Variants in C17orf107 observed in about 807,000 individuals in gnomAD.
C17orf107 encodes the protein chromosome 17 open reading frame 107.
In C17orf107, 9 loss-of-function variants were observed where a neutral mutation model predicts 8.9. That is an observed-to-expected ratio of 1.02 (90% CI 0.61 to 1.77). The LOEUF is 1.77. Among genes scored for constraint, C17orf107 ranks in the 40% most tolerant of loss-of-function variants. The pLI, the probability that C17orf107 is intolerant of heterozygous loss-of-function variation, is 0.00. For synonymous variants in C17orf107, 139 were observed against 120.3 expected (o/e 1.16, Z -1.02); for missense variants, 281 against 249.0 (o/e 1.13, Z -0.86).
chr17:4,900,217 C>A lies in C17orf107; in HGVS notation c.277-20C>A, dbSNP rs764886473. 4.5e-6 allele frequency: 7 copies of A among 1,545,286 alleles called. No individual in the cohort carries two copies. The highest frequency in any genetic ancestry group is 1.2e-5 in the South Asian group (1 of 83,604). On this transcript the variant is annotated intron_variant, in intron 2 of 2. Coordinates refer to ENST00000381365, the MANE Select transcript of C17orf107 (RefSeq NM_001145536.2). The stretch of plus-strand genomic sequence containing the variant: ...ACAAGGACCTCTGCCTCCCCGCTAA[C>A]CCCTGTGCCCCCAATGCAGATCTCA...
downstream of C17orf107, chr17:4,903,147 G>T (rs1207306619): frequency 4.3e-6 from 6 of 1,402,570 alleles, no homozygotes; most frequent in East Asian, 1.4e-4. Context: ...GGGGGAGGAG[G>T]GTGTTAGTTC....
downstream of C17orf107, among the ~76,000 whole-genome samples, chr17:4,903,619 G>C (rs1970047941): frequency 6.6e-6 from 1 of 152,128 alleles, no homozygotes; most frequent in African/African-American, 2.4e-5. Flanking sequence ...CTGCGGTACA[G>C]AGATTCCATC....
chr17:4,905,088 C>G (rs1428063467), downstream of C17orf107, among the ~76,000 whole-genome samples: 1 of 152,218 alleles, frequency 6.6e-6, no homozygotes, highest in East Asian at 1.9e-4. Flanking sequence ...AAAGTTCCCC[C>G]TTACAGGGCC....
chr17:4,900,555 G>T lies in C17orf107; in HGVS notation c.*22G>T. ...TTAGGGGCCAGAGGCGGCGGGGCTA[G>T]GGAGGCACTGAGCCGGACTGTCCCC... On this transcript the variant is annotated 3_prime_UTR_variant, in exon 3 of 3. Transcript: ENST00000381365. 5 of 1,550,348 alleles carry T rather than the reference G, an allele frequency of 3.2e-6. No individual in the cohort carries two copies. Among genetic ancestry groups the T allele is most frequent in the Non-Finnish European group, 2.6e-6 (3 of 1,146,908 alleles).
In C17orf107 at chr17:4,901,183, G is replaced by A; in HGVS notation, c.*650G>A. ...CCGGGCAGAAGTCGATGGCCCACTCGCCGTTCTCTGCGGGACGGGGGCACG... is the reference window on the plus strand; with the variant it reads ...CCGGGCAGAAGTCGATGGCCCACTCACCGTTCTCTGCGGGACGGGGGCACG... On this transcript the variant is annotated 3_prime_UTR_variant, in exon 3 of 3. Coordinates refer to ENST00000381365, the MANE Select transcript of C17orf107 (RefSeq NM_001145536.2). The A allele has an allele frequency of 6.2e-7, 1 of 1,604,128 alleles. No individual in the cohort carries two copies. The highest frequency in any genetic ancestry group is 8.5e-7 in the Non-Finnish European group (1 of 1,178,960).
downstream of C17orf107, among the ~76,000 whole-genome samples, chr17:4,905,077 C>A (rs1567641235): frequency 6.6e-6 from 1 of 152,224 alleles, no homozygotes. Context: ...TGGACACCTA[C>A]AAAGTTCCCC....
In C17orf107 at chr17:4,902,332, G is replaced by T. The variant is rs564351576; in HGVS notation, c.*1799G>T. ...AGTCGGTAATCCTGCCAATCCTAAG[G>T]GGTGGGGGATGGAAGGCCGCGTGCC... On this transcript the variant is annotated 3_prime_UTR_variant, in exon 3 of 3. Transcript: ENST00000381365. This position sits in a 1 kb window ranked among gnomAD's most constrained non-coding sequence, Gnocchi z 4.0. The T allele has an allele frequency of 6.2e-7, 1 of 1,614,098 alleles. No homozygotes were observed. The highest frequency in any genetic ancestry group is 2.2e-5 in the East Asian group (1 of 44,870).
chr17:4,899,629 C>T lies in C17orf107; in HGVS notation c.-134C>T, dbSNP rs1221070483. On this transcript the variant is annotated 5_prime_UTR_variant, in exon 1 of 3. Transcript: ENST00000381365. ...ACATCACCGTTCCTCCTCCCAGCTACCGAAGGCGCCGCGCGCTGACCTCAC... is the reference window on the plus strand; with the variant it reads ...ACATCACCGTTCCTCCTCCCAGCTATCGAAGGCGCCGCGCGCTGACCTCAC... 4.0e-6 allele frequency: 6 copies of T among 1,485,482 alleles called. No individual in the cohort carries two copies. Among genetic ancestry groups the T allele is most frequent in the Non-Finnish European group, 5.5e-6 (6 of 1,086,850 alleles). 92.0% of individuals were successfully genotyped at this position (1,485,482 alleles called of 1,614,324 possible).
At position 4,899,670 on chromosome 17, in the gene C17orf107, T is replaced by C. The variant is rs1969891855; in HGVS notation, c.-93T>C. Reference sequence around the variant, plus strand: ...CTGACCTCACAAACACGGCTTCTCCTGGTACGGGCTGGTTACGCCCTCCAG... The same window carrying C: ...CTGACCTCACAAACACGGCTTCTCCCGGTACGGGCTGGTTACGCCCTCCAG... On this transcript the variant is annotated 5_prime_UTR_variant, in exon 1 of 3. Coordinates refer to ENST00000381365, the MANE Select transcript of C17orf107 (RefSeq NM_001145536.2). The C allele has an allele frequency of 8.3e-6, 12 of 1,437,126 alleles. 1 individual carries two copies. The highest frequency in any genetic ancestry group is 1.1e-5 in the Non-Finnish European group (12 of 1,043,690). 89.0% of individuals were successfully genotyped at this position (1,437,126 alleles called of 1,614,324 possible).
chr17:4,899,739 C>T lies in C17orf107; in HGVS notation c.-24C>T. On this transcript the variant is annotated 5_prime_UTR_variant, in exon 1 of 3. Coordinates refer to ENST00000381365, the MANE Select transcript of C17orf107 (RefSeq NM_001145536.2). ...GACAGACGCGTCCCCCAGCCCTTCT[C>T]CTGTCCTACCACTTGTGGCGGCCAT... 6.5e-7 allele frequency: 1 copy of T among 1,549,176 alleles called. No homozygotes were observed. Among genetic ancestry groups the T allele is most frequent in the Non-Finnish European group, 8.7e-7 (1 of 1,144,962 alleles).
rs2151098283 is a variant in C17orf107 at position 4,901,977 on chromosome 17, ACCT to A, written c.*1447_*1449del. ...CTGCCAATCGAAGGGGAAGTAGGTG[ACCT>A]CCACTGCGCAGACGCTGCGGTAGAT... On this transcript the variant is annotated 3_prime_UTR_variant, in exon 3 of 3. Coordinates refer to ENST00000381365, the MANE Select transcript of C17orf107 (RefSeq NM_001145536.2). 1.2e-6 allele frequency: 2 copies of A among 1,610,880 alleles called. No homozygotes were observed. Among genetic ancestry groups the A allele is most frequent in the Non-Finnish European group, 1.7e-6 (2 of 1,178,360 alleles).
downstream of C17orf107, among the ~76,000 whole-genome samples, chr17:4,906,685 T>A (rs1239411428): frequency 6.6e-6 from 1 of 152,042 alleles, no homozygotes; most frequent in Non-Finnish European, 1.5e-5. Flanking sequence ...AGACCTCATC[T>A]GTAAATAAAT....
chr17:4,906,524 GA>G (rs1030138063), downstream of C17orf107, among the ~76,000 whole-genome samples: 1 of 152,130 alleles, frequency 6.6e-6, no homozygotes, highest in Non-Finnish European at 1.5e-5. Context: ...AAAGAGGGCA[GA>G]AGATTTGAAT....
At position 4,901,632 on chromosome 17, in the gene C17orf107, A is replaced by G. The variant is rs1266305481; in HGVS notation, c.*1099A>G. 1.2e-6 allele frequency: 2 copies of G among 1,613,516 alleles called. No individual in the cohort carries two copies. The highest frequency in any genetic ancestry group is 2.2e-5 in the South Asian group (2 of 91,078). On this transcript the variant is annotated 3_prime_UTR_variant, in exon 3 of 3. Transcript: ENST00000381365. ...GGCATTGTACGTCTGAGAGCTGCGG[A>G]GCCAGGGCCGGGAGCCCACCCCAGA...
chr17:4,902,815 C>CCT lies in C17orf107; in HGVS notation c.*2288_*2289dup. The CCT allele has an allele frequency of 6.2e-7, 1 of 1,613,074 alleles. No homozygotes were observed. On this transcript the variant is annotated 3_prime_UTR_variant, in exon 3 of 3. Coordinates refer to ENST00000381365, the MANE Select transcript of C17orf107 (RefSeq NM_001145536.2). The surrounding 1 kb of genome is among the most constrained non-coding windows in gnomAD (Gnocchi z 4.0). Reference sequence around the variant, plus strand: ...CATTGGCAATGAAGAGGCTGGAGCACCTCTCTCCCCTCTGCCTCCCCTGGG... The same window carrying CCT: ...CATTGGCAATGAAGAGGCTGGAGCACCTCTCTCTCCCCTCTGCCTCCCCTGGG...
downstream of C17orf107, among the ~76,000 whole-genome samples, chr17:4,906,679 C>T (rs892807389): frequency 6.6e-6 from 1 of 151,752 alleles, no homozygotes; most frequent in African/African-American, 2.4e-5. Flanking sequence ...ATAGTGAGAC[C>T]TCATCTGTAA....
In C17orf107 at chr17:4,901,744, A is replaced by C. The variant is rs1041189060; in HGVS notation, c.*1211A>C. 3 of 1,264,524 alleles carry C rather than the reference A, an allele frequency of 2.4e-6. No individual in the cohort carries two copies. The highest frequency in any genetic ancestry group is 1.9e-5 in the Admixed American group (1 of 53,928). The allele number at this position is 1,264,524 out of a possible 1,614,324, so 78.3% of individuals were successfully genotyped here. A position where few individuals can be genotyped will look rare whatever the true frequency, so the allele number is the denominator to read the frequency against. On this transcript the variant is annotated 3_prime_UTR_variant, in exon 3 of 3. Transcript: ENST00000381365. ...GATCCCAAGCCCACCCCTTCACCCA[A>C]GCCCAGCCCGCACGCCTCTGTTCCC...
In C17orf107 at chr17:4,902,036, C is replaced by T. The variant is rs1970008039; in HGVS notation, c.*1503C>T. ...GAGGCAGCCACGTCACGGAGCCGCC[C>T]TCGTAGACGAGCACGTTGGCGTCGT... On this transcript the variant is annotated 3_prime_UTR_variant, in exon 3 of 3. Coordinates refer to ENST00000381365, the MANE Select transcript of C17orf107 (RefSeq NM_001145536.2). This position sits in a 1 kb window ranked among gnomAD's most constrained non-coding sequence, Gnocchi z 4.0. 7 of 1,614,122 alleles carry T rather than the reference C, an allele frequency of 4.3e-6. No individual in the cohort carries two copies. Among genetic ancestry groups the T allele is most frequent in the Non-Finnish European group, 5.9e-6 (7 of 1,180,046 alleles).
Position 4,902,522 on chromosome 17 carries a change from A to G in C17orf107, c.*1989A>G, listed in dbSNP as rs1970026595. On this transcript the variant is annotated 3_prime_UTR_variant, in exon 3 of 3. Transcript: ENST00000381365. This position sits in a 1 kb window ranked among gnomAD's most constrained non-coding sequence, Gnocchi z 4.0. ...GCAGATGGGAGATGGGGATGATTGA[A>G]GTGAGATTTCAGGGCCAGAAGTGAG... 1 of 1,614,128 alleles carries G rather than the reference A, an allele frequency of 6.2e-7. No homozygotes were observed. The highest frequency in any genetic ancestry group is 2.2e-5 in the East Asian group (1 of 44,872).
Sources: gnomAD v4.1 joint callset for allele counts (sites outside exome capture counted in the v4.1 genomes callset) on GRCh38, gnomAD v4.1.1 for gene constraint, Gnocchi (gnomAD v3.1) non-coding constraint, MANE v1.5 for transcripts, NCBI Gene and HGNC (gene_info 2026-07-23, HGNC 2026-07-21) for gene names.